The following FSD1L variants were observed in gnomAD, a reference collection of about 807,000 sequenced individuals.
The protein encoded by FSD1L is fibronectin type III and SPRY domain containing 1 like, also known as FSD1-like protein.
A neutral mutation model predicts 71.6 loss-of-function variants in FSD1L; 45 were observed. The ratio of observed to expected loss-of-function variants is 0.63; its 90% CI spans 0.49 to 0.81. The LOEUF (loss-of-function observed/expected upper bound fraction) is 0.81, where lower values mean the gene tolerates loss of function less well. Ranked by LOEUF, FSD1L falls within the 30% of genes least tolerant of loss-of-function variation. The pLI is 0.00. For synonymous variants in FSD1L, 197 were observed against 207.2 expected (o/e 0.95, Z 0.42); for missense variants, 561 against 618.1 (o/e 0.91, Z 0.98).
At chr9:105,520,055 C>G in intron 10 of FSD1L, 6 of 1,527,022 alleles carry the variant, frequency 3.9e-6, no homozygotes, top group Middle Eastern at 4.7e-4. Context: ...TCCTCCCCGT[C>G]CACTCCCTCC....
chr9:105,520,555 C>A, intron 10 of FSD1L: 1 of 1,275,372 alleles, frequency 7.8e-7, no homozygotes, highest in South Asian at 1.2e-5. Context: ...AAGAATTCAT[C>A]AGCCATGGCA....
At chr9:105,477,783 AAGATACAGATTCCAC>A (rs1414669149) in intron 5 of FSD1L, among the ~76,000 whole-genome samples, 4 of 152,182 alleles carry the variant, frequency 2.6e-5, no homozygotes, top group Non-Finnish European at 5.9e-5. Flanking sequence ...TTCATGACTT[AAGATACAGATTCCAC>A]AGAATTTGTT....
intron 7 of FSD1L, among the ~76,000 whole-genome samples, chr9:105,496,655 G>A (rs141001397): frequency 6.6e-6 from 1 of 152,324 alleles, no homozygotes; most frequent in African/African-American, 2.4e-5. Context: ...GGGTGCTGAT[G>A]TAAATGGTAT....
At chr9:105,495,925 T>C (rs1833361662) in intron 7 of FSD1L, among the ~76,000 whole-genome samples, 1 of 150,728 alleles carries the variant, frequency 6.6e-6, no homozygotes, top group South Asian at 2.1e-4. Context: ...TGAGCCGAGA[T>C]TGCACCACTG....
At chr9:105,468,793 C>T (rs186379013) in intron 4 of FSD1L, among the ~76,000 whole-genome samples, 7 of 152,302 alleles carry the variant, frequency 4.6e-5, no homozygotes, top group Admixed American at 4.6e-4. Flanking sequence ...CCATGCCCAG[C>T]CAATTCTCTT....
intron 2 of FSD1L, among the ~76,000 whole-genome samples, chr9:105,464,031 AT>A (rs2131612760): frequency 6.6e-6 from 1 of 152,318 alleles, no homozygotes; most frequent in African/African-American, 2.4e-5. Context: ...CATATTAGGA[AT>A]AAGAGGGCTT....
intron 7 of FSD1L, among the ~76,000 whole-genome samples, chr9:105,500,197 A>AT (rs1833681133): frequency 6.6e-6 from 1 of 152,006 alleles, no homozygotes; most frequent in Non-Finnish European, 1.5e-5. Flanking sequence ...GAGTCTTGTA[A>AT]TTTTTTCTTG....
intron 1 of FSD1L, among the ~76,000 whole-genome samples, chr9:105,458,781 A>G (rs1339354537): frequency 2.0e-5 from 3 of 152,226 alleles, no homozygotes; most frequent in East Asian, 1.9e-4. Context: ...ACCCACCCCT[A>G]TCTGCCTAGG....
At chr9:105,482,175 A>G (rs1046056362) in intron 6 of FSD1L, among the ~76,000 whole-genome samples, 1 of 152,034 alleles carries the variant, frequency 6.6e-6, no homozygotes, top group African/African-American at 2.4e-5. Flanking sequence ...GTCTGTGAAA[A>G]CTCATCATTT....
chr9:105,489,802 A>G (rs529601599), intron 7 of FSD1L, among the ~76,000 whole-genome samples: 3 of 152,264 alleles, frequency 2.0e-5, no homozygotes, highest in African/African-American at 7.2e-5. Flanking sequence ...GATGATTTCC[A>G]GTTTCATCCA....
chr9:105,458,132 A>G (rs1830469275), intron 1 of FSD1L, among the ~76,000 whole-genome samples: 2 of 152,098 alleles, frequency 1.3e-5, no homozygotes, highest in South Asian at 4.1e-4. Context: ...GGCTGGCCCA[A>G]TCCCGTTGTC....
At chr9:105,509,652 C>T (rs1365315412) in intron 9 of FSD1L, among the ~76,000 whole-genome samples, 1 of 152,076 alleles carries the variant, frequency 6.6e-6, no homozygotes, top group Admixed American at 6.5e-5. Context: ...TATAATAAAA[C>T]AAAATATAAG....
chr9:105,520,774 TTA>T (rs1835096359), intron 10 of FSD1L: 1 of 1,612,546 alleles, frequency 6.2e-7, no homozygotes, highest in African/African-American at 1.3e-5. Context: ...GATAATCTCA[TTA>T]ATCCTCCACT....
At chr9:105,492,175 A>C (rs1226332201) in intron 7 of FSD1L, among the ~76,000 whole-genome samples, 1 of 151,982 alleles carries the variant, frequency 6.6e-6, no homozygotes, top group Non-Finnish European at 1.5e-5. Context: ...TCAATTTCAG[A>C]GCCTGTTATT....
chr9:105,485,684 C>T (rs1440855055), intron 7 of FSD1L, among the ~76,000 whole-genome samples: 2 of 151,352 alleles, frequency 1.3e-5, no homozygotes, highest in East Asian at 3.9e-4. Flanking sequence ...TGCTCTGTCA[C>T]CCAGGCTGGA....
chr9:105,513,430 C>G (rs1398962666), intron 10 of FSD1L, among the ~76,000 whole-genome samples: 2 of 152,108 alleles, frequency 1.3e-5, no homozygotes, highest in African/African-American at 4.8e-5. Flanking sequence ...GATCCTCTTT[C>G]TTTTTTAATA....
At chr9:105,521,300 C>G in intron 10 of FSD1L, 2 of 1,614,116 alleles carry the variant, frequency 1.2e-6, no homozygotes, top group East Asian at 2.2e-5. Flanking sequence ...GAGAAGAAAG[C>G]AAAAATGATA....
chr9:105,476,219 CT>C (rs1245866441), intron 5 of FSD1L, among the ~76,000 whole-genome samples: 2 of 152,130 alleles, frequency 1.3e-5, no homozygotes, highest in African/African-American at 4.8e-5. Flanking sequence ...GCGATTACTT[CT>C]TCTTTACTCG....
intron 7 of FSD1L, among the ~76,000 whole-genome samples, chr9:105,502,572 T>C (rs1366732823): frequency 1.3e-5 from 2 of 152,206 alleles, no homozygotes; most frequent in African/African-American, 4.8e-5. Context: ...TAAAATCCAG[T>C]GTATACATCT....
Sources: gnomAD v4.1 joint callset for allele counts (sites outside exome capture counted in the v4.1 genomes callset) on GRCh38, gnomAD v4.1.1 for gene constraint, MANE v1.5 for transcripts, NCBI Gene and HGNC (gene_info 2026-07-23, HGNC 2026-07-21) for gene names.